AGAP1: variants seen among roughly 807,000 people sequenced by gnomAD.
AGAP1 encodes arf-GAP with GTPase, ANK repeat and PH domain-containing protein 1.
A neutral mutation model predicts 105.3 loss-of-function variants in AGAP1; 29 were observed. The ratio of observed to expected loss-of-function variants is 0.28; its 90% confidence interval spans 0.21 to 0.38. The LOEUF (loss-of-function observed/expected upper bound fraction) is 0.38. Among genes scored for constraint, AGAP1 ranks in the 10% least tolerant of loss-of-function variants. The pLI is 1.00. For synonymous variants in AGAP1, 509 were observed against 485.9 expected (o/e 1.05, Z -0.63); for missense variants, 998 against 1,165.1 (o/e 0.86, Z 2.09).
At chr2:236,079,138 A>G (rs918919588) in intron 16 of AGAP1, among the ~76,000 whole-genome samples, 3 of 152,078 alleles carry the variant, frequency 2.0e-5, no homozygotes, top group Non-Finnish European at 4.4e-5. Flanking sequence ...TCTGCCTGCT[A>G]TGTGCCAGGC....
rs1237997222 is a variant in AGAP1 at position 235,723,249 on chromosome 2, C to T, written c.310+5605C>T. Among the ~76,000 whole-genome samples, 2 of 152,292 alleles carry T rather than the reference C, an allele frequency of 1.3e-5. No individual in the cohort carries two copies. Among genetic ancestry groups the T allele is most frequent in the Admixed American group, 1.3e-4 (2 of 15,300 alleles). On this transcript the variant is annotated intron_variant, in intron 3 of 17. Transcript: ENST00000304032. This position sits in a 1 kb window ranked among gnomAD's most constrained non-coding sequence, Gnocchi z 6.2. ...CCTATTAATGGCTGCTGATTAGAATCGTGTGACATTTTGGGTGTGTAATGT... is the reference window on the plus strand; with the variant it reads ...CCTATTAATGGCTGCTGATTAGAATTGTGTGACATTTTGGGTGTGTAATGT...
At chr2:235,607,752 T>TG (rs1453519879) in intron 1 of AGAP1, among the ~76,000 whole-genome samples, 2 of 152,298 alleles carry the variant, frequency 1.3e-5, no homozygotes, top group Admixed American at 1.3e-4. Flanking sequence ...GGCAGCCTCC[T>TG]GGAGGTGGAA....
rs1013196950 is a variant in AGAP1, at chr2:236,095,497, A to G, written c.2115-24695A>G. ...AGTTTGAGACCAGCGTGGGCAACAT[A>G]GTGAGATGCCATCTCTATAAAATAA... On this transcript the variant is annotated intron_variant, in intron 16 of 17. Transcript: ENST00000304032. The surrounding 1 kb of genome is among the most constrained non-coding windows in gnomAD (Gnocchi z 4.1). 6.6e-6 allele frequency among the ~76,000 whole-genome samples: 1 copy of G among 152,160 alleles called. No homozygotes were observed. Among genetic ancestry groups the G allele is most frequent in the Non-Finnish European group, 1.5e-5 (1 of 68,018 alleles).
intron 1 of AGAP1, among the ~76,000 whole-genome samples, chr2:235,682,838 C>T (rs909364013): frequency 1.9e-4 from 26 of 139,146 alleles, no homozygotes; most frequent in East Asian, 1.0e-3. Context: ...AGCACGAGCA[C>T]GGAATTCATG....
rs1223054342 is a variant in AGAP1 at position 235,652,020 on chromosome 2, C to CT, written c.164-57153dup. Among the ~76,000 whole-genome samples the CT allele has an allele frequency of 2.6e-5, 4 of 152,078 alleles. No homozygotes were observed. The East Asian group carries it at 7.7e-4, about 29-fold the overall frequency. Reference sequence around the variant, plus strand: ...CCCCTTTTGTTTTTTGAACGCTCGACTTTTTTGATGGTTATAATTGAGAAA... The same window carrying CT: ...CCCCTTTTGTTTTTTGAACGCTCGACTTTTTTTGATGGTTATAATTGAGAAA... On this transcript the variant is annotated intron_variant, in intron 1 of 17. Coordinates refer to ENST00000304032, the MANE Select transcript of AGAP1 (RefSeq NM_001037131.3).
At position 235,725,960 on chromosome 2, in the gene AGAP1, G is replaced by A. The variant is rs1020405010; in HGVS notation, c.310+8316G>A. On this transcript the variant is annotated intron_variant, in intron 3 of 17. Transcript: ENST00000304032. This position sits in a 1 kb window ranked among gnomAD's most constrained non-coding sequence, Gnocchi z 5.7. ...TTCATTTTGAGCAAGAAAAAAAGCC[G>A]TAAAATCAGAATAAGGAGATAGTCA... Among the ~76,000 whole-genome samples, 4 of 152,154 alleles carry A rather than the reference G, an allele frequency of 2.6e-5. No individual in the cohort carries two copies. The highest frequency in any genetic ancestry group is 1.9e-4 in the East Asian group (1 of 5,202).
At chr2:235,667,033 C>T (rs1317517237) in intron 1 of AGAP1, among the ~76,000 whole-genome samples, 1 of 152,090 alleles carries the variant, frequency 6.6e-6, no homozygotes, top group Non-Finnish European at 1.5e-5. Flanking sequence ...CCTGGGTGAC[C>T]TTTAAGTCTG....
intron 13 of AGAP1, among the ~76,000 whole-genome samples, chr2:236,024,306 G>A (rs534923860): frequency 6.6e-6 from 1 of 152,244 alleles, no homozygotes; most frequent in South Asian, 2.1e-4. Flanking sequence ...CAAAGTGTTA[G>A]GATTATAGGC....
chr2:236,075,791 A>G (rs569083596), intron 16 of AGAP1, among the ~76,000 whole-genome samples: 1 of 152,350 alleles, frequency 6.6e-6, no homozygotes, highest in African/African-American at 2.4e-5. Flanking sequence ...ATTGCTGCCC[A>G]GTGTCATCAA....
At chr2:235,680,384 G>A (rs1948999036) in intron 1 of AGAP1, among the ~76,000 whole-genome samples, 2 of 152,274 alleles carry the variant, frequency 1.3e-5, no homozygotes, top group African/African-American at 2.4e-5. Flanking sequence ...GGTGTCCAGA[G>A]GGGTCAGGGG....
Position 235,728,303 on chromosome 2 carries a change from G to GTC in AGAP1, c.310+10660_310+10661insCT, listed in dbSNP as rs748588380. Among the ~76,000 whole-genome samples, 121 of 148,028 alleles carry GTC rather than the reference G, an allele frequency of 8.2e-4. 3 individuals carry two copies. The East Asian group carries it at 0.019, about 24-fold the overall frequency. On this transcript the variant is annotated intron_variant, in intron 3 of 17. Transcript: ENST00000304032. This position sits in a 1 kb window ranked among gnomAD's most constrained non-coding sequence, Gnocchi z 4.3. ...CTGAAAAGGACTGGGCCCAGACTCT[G>GTC]TGTGTGTGTGTGTGTGTGTGTGTGC...
At chr2:235,784,758 G>T (rs1367936398) in intron 6 of AGAP1, among the ~76,000 whole-genome samples, 2 of 152,110 alleles carry the variant, frequency 1.3e-5, no homozygotes, top group Non-Finnish European at 2.9e-5. Flanking sequence ...AATTCATCAT[G>T]CATCTCCTAA....
Position 235,900,251 on chromosome 2 carries a change from T to C in AGAP1, c.1156-8487T>C, listed in dbSNP as rs1302674919. 6.6e-6 allele frequency among the ~76,000 whole-genome samples: 1 copy of C among 152,242 alleles called. No individual in the cohort carries two copies. The highest frequency in any genetic ancestry group is 1.5e-5 in the Non-Finnish European group (1 of 68,046). ...CTTCCTTACCTCCATGATGGAGTAG[T>C]AGACTGATTTCATCTTGATAGTCTG... On this transcript the variant is annotated intron_variant, in intron 10 of 17. Coordinates refer to ENST00000304032, the MANE Select transcript of AGAP1 (RefSeq NM_001037131.3). The surrounding 1 kb of genome is among the most constrained non-coding windows in gnomAD (Gnocchi z 5.5).
intron 16 of AGAP1, among the ~76,000 whole-genome samples, chr2:236,112,255 A>C (rs888051794): frequency 6.6e-6 from 1 of 152,126 alleles, no homozygotes; most frequent in Non-Finnish European, 1.5e-5. Flanking sequence ...ATCTCTACTA[A>C]AAATACAAAA....
chr2:236,005,986 C>T lies in AGAP1; in HGVS notation c.1646-30575C>T, dbSNP rs1191482340. ...CTTAAGGAGTTGGGCGTTAGACCCC[C>T]TGTCCTTGAGGGTGGGGTGTCTATG... On this transcript the variant is annotated intron_variant, in intron 13 of 17. Transcript: ENST00000304032. This position sits in a 1 kb window ranked among gnomAD's most constrained non-coding sequence, Gnocchi z 4.1. 6.6e-6 allele frequency among the ~76,000 whole-genome samples: 1 copy of T among 152,184 alleles called. No individual in the cohort carries two copies.
chr2:235,856,787 T>G (rs1011687474), intron 9 of AGAP1, among the ~76,000 whole-genome samples: 2 of 152,216 alleles, frequency 1.3e-5, no homozygotes, highest in African/African-American at 4.8e-5. Flanking sequence ...CAAGTTGTCA[T>G]GAAATTTCAA....
At chr2:235,779,564 G>C (rs1428897636) in intron 6 of AGAP1, among the ~76,000 whole-genome samples, 1 of 152,166 alleles carries the variant, frequency 6.6e-6, no homozygotes, top group East Asian at 1.9e-4. Flanking sequence ...AGCTCTGCGA[G>C]TCCAGAGCCC....
chr2:235,845,594 C>A lies in AGAP1; in HGVS notation c.1051-37751C>A, dbSNP rs1398424073. On this transcript the variant is annotated intron_variant, in intron 9 of 17. Coordinates refer to ENST00000304032, the MANE Select transcript of AGAP1 (RefSeq NM_001037131.3). This position sits in a 1 kb window ranked among gnomAD's most constrained non-coding sequence, Gnocchi z 4.8. ...GTTATTCCTTTCCTTCCAGTTATTC[C>A]TTTCCTGACCCCCCCCCCGATCTGC... 5.6e-5 allele frequency among the ~76,000 whole-genome samples: 1 copy of A among 17,772 alleles called. No individual in the cohort carries two copies. The highest frequency in any genetic ancestry group is 1.1e-4 in the Non-Finnish European group (1 of 9,140). The allele number at this position is 17,772 out of a possible 152,430, so 11.7% of individuals were successfully genotyped here.
At position 235,866,000 on chromosome 2, in the gene AGAP1, C is replaced by A. The variant is rs781316768; in HGVS notation, c.1051-17345C>A. On this transcript the variant is annotated intron_variant, in intron 9 of 17. Coordinates refer to ENST00000304032, the MANE Select transcript of AGAP1 (RefSeq NM_001037131.3). The surrounding 1 kb of genome is among the most constrained non-coding windows in gnomAD (Gnocchi z 6.2). ...TCTGCAGCTTGAATGAAAGCTGTCT[C>A]GATCCATGTATGTCTGTGTATCTGC... 6.6e-6 allele frequency among the ~76,000 whole-genome samples: 1 copy of A among 152,156 alleles called. No homozygotes were observed. Among genetic ancestry groups the A allele is most frequent in the African/African-American group, 2.4e-5 (1 of 41,440 alleles).
Sources: allele counts gnomAD v4.1 joint callset (sites outside exome capture counted in the v4.1 genomes callset), GRCh38; gene constraint gnomAD v4.1.1; non-coding constraint Gnocchi (gnomAD v3.1); transcripts MANE v1.5; gene names NCBI Gene and HGNC (gene_info 2026-07-23, HGNC 2026-07-21).